Variants in UBAC2 observed in about 807,000 individuals in gnomAD.
The protein encoded by UBAC2 is ubiquitin-associated domain-containing protein 2.
A neutral mutation model predicts 44.0 loss-of-function variants in UBAC2; 26 were observed. The ratio of observed to expected loss-of-function variants is 0.59; its 90% CI spans 0.43 to 0.82. The LOEUF is 0.82. UBAC2 is among the 40% of genes least tolerant of loss of function. The pLI is 0.00. For missense variants in UBAC2, 329 were observed against 419.4 expected (o/e 0.78, Z 1.88); for synonymous variants, 155 against 154.3 (o/e 1.00, Z -0.04).
chr13:99,385,190 T>C (rs1318425853), intron 8 of UBAC2, 38 bp from the exon 9 acceptor site: 4 of 1,475,832 alleles, frequency 2.7e-6, no homozygotes, highest in Non-Finnish European at 3.8e-6. Flanking sequence ...AGCGGCAATG[T>C]CAGCGCCCTC....
chr13:99,254,003 G>A (rs569263057), intron 4 of UBAC2, among the ~76,000 whole-genome samples: 1 of 152,282 alleles, frequency 6.6e-6, no homozygotes, highest in African/African-American at 2.4e-5. Flanking sequence ...AGATGGATAA[G>A]TTACTTGGTT....
In UBAC2 at chr13:99,282,376, G is replaced by C. The variant is rs116916489; in HGVS notation, c.390-31721G>C. 3.3e-3 allele frequency among the ~76,000 whole-genome samples: 500 copies of C among 152,306 alleles called. 5 individuals are homozygous for C. Among genetic ancestry groups the C allele is most frequent in the Non-Finnish European group, 4.2e-3 (287 of 68,026 alleles). On this transcript the variant is annotated intron_variant, in intron 4 of 8. Transcript: ENST00000403766. Reference sequence around the variant, plus strand: ...TTGACTAGGTAGAATATTTCTAGTAGTTGACTGAAATAGCTTTGGTTGAGG... The same window carrying C: ...TTGACTAGGTAGAATATTTCTAGTACTTGACTGAAATAGCTTTGGTTGAGG...
chr13:99,379,823 CAT>C (rs2045527304), intron 8 of UBAC2, among the ~76,000 whole-genome samples: 1 of 152,220 alleles, frequency 6.6e-6, no homozygotes, highest in Non-Finnish European at 1.5e-5. Flanking sequence ...TATAGATAAA[CAT>C]AAATCTTTTT....
At chr13:99,379,509 C>T (rs955714280) in intron 8 of UBAC2, among the ~76,000 whole-genome samples, 1 of 152,208 alleles carries the variant, frequency 6.6e-6, no homozygotes, top group Non-Finnish European at 1.5e-5. Context: ...TTTTCATTTT[C>T]AGTTCCTCAT....
rs140636933 is a variant in UBAC2 at position 99,380,040 on chromosome 13, C to G, written c.928-5188C>G. On this transcript the variant is annotated intron_variant, in intron 8 of 8. Transcript: ENST00000403766. ...CATGTGCAGAAAAGGCATGTCACAG[C>G]TGAAGGAGGGTGAGAGGGTCTCTTT... 3.1e-3 allele frequency among the ~76,000 whole-genome samples: 473 copies of G among 152,224 alleles called. 2 individuals are homozygous for G. Among genetic ancestry groups the G allele is most frequent in the Admixed American group, 5.7e-3 (87 of 15,292 alleles).
At chr13:99,215,845 C>T (rs575472559) in intron 1 of UBAC2, 6 of 517,918 alleles carry the variant, frequency 1.2e-5, no homozygotes, top group South Asian at 4.3e-5. Context: ...TTCATCGCAC[C>T]GTGATTCAAA....
intron 4 of UBAC2, among the ~76,000 whole-genome samples, chr13:99,275,521 A>G (rs1161889694): frequency 1.3e-5 from 2 of 152,000 alleles, no homozygotes; most frequent in Non-Finnish European, 2.9e-5. Context: ...CCTATTTTAA[A>G]TTTTTATTAG....
At chr13:99,322,074 A>G (rs948697115) in intron 6 of UBAC2, among the ~76,000 whole-genome samples, 5 of 152,236 alleles carry the variant, frequency 3.3e-5, no homozygotes, top group African/African-American at 4.8e-5. Flanking sequence ...AAATGTTGCA[A>G]AATTGTAATT....
rs869112086 is a variant in UBAC2, at chr13:99,338,047, C to CTTTTTTTTTTTTTTTTTTT, written c.562-2263_562-2245dup. Among the ~76,000 whole-genome samples, 109 of 48,870 alleles carry CTTTTTTTTTTTTTTTTTTT rather than the reference C, an allele frequency of 2.2e-3. 15 individuals carry two copies. The highest frequency in any genetic ancestry group is 4.4e-3 in the African/African-American group (62 of 14,118). 32.1% of individuals were successfully genotyped at this position (48,870 alleles called of 152,430 possible). ...ATCTCCTAACTTTTTTTCTTTTTTT[C>CTTTTTTTTTTTTTTTTTTT]TTTTTTTTTTTTTTTTTTTTTTTTT... On this transcript the variant is annotated intron_variant, in intron 6 of 8. Coordinates refer to ENST00000403766, the MANE Select transcript of UBAC2 (RefSeq NM_001144072.2).
At chr13:99,204,151 A>C (rs1158992128) in intron 1 of UBAC2, among the ~76,000 whole-genome samples, 1 of 152,180 alleles carries the variant, frequency 6.6e-6, no homozygotes, top group African/African-American at 2.4e-5. Flanking sequence ...TTGCATGCCT[A>C]ATATTTTCCA....
At chr13:99,275,582 T>G (rs2043870874) in intron 4 of UBAC2, among the ~76,000 whole-genome samples, 1 of 152,198 alleles carries the variant, frequency 6.6e-6, no homozygotes, top group Non-Finnish European at 1.5e-5. Context: ...TTTCATTTTG[T>G]GGATGCGATA....
intron 6 of UBAC2, among the ~76,000 whole-genome samples, chr13:99,328,732 G>C (rs929896314): frequency 2.0e-5 from 3 of 151,936 alleles, no homozygotes; most frequent in Admixed American, 1.3e-4. Context: ...ATATATTCTA[G>C]ATATAAGCTC....
chr13:99,255,258 C>T, intron 4 of UBAC2: 7 of 1,614,072 alleles, frequency 4.3e-6, no homozygotes, highest in Non-Finnish European at 5.9e-6. Context: ...CCAAGTAGCA[C>T]CCAATCATGA....
chr13:99,267,907 C>T (rs2043764218), intron 4 of UBAC2, among the ~76,000 whole-genome samples: 1 of 152,198 alleles, frequency 6.6e-6, no homozygotes. Context: ...CTTTTGTAAC[C>T]ACCCTGTGGG....
In UBAC2 at chr13:99,295,340, A is replaced by G; in HGVS notation, c.390-18757A>G. ...GAAATTAGAGAAACGAAGCTTCTTA[A>G]TCATATGTTGAATAATTGCAACATG... On this transcript the variant is annotated intron_variant, in intron 4 of 8. Coordinates refer to ENST00000403766, the MANE Select transcript of UBAC2 (RefSeq NM_001144072.2). This position sits in a 1 kb window ranked among gnomAD's most constrained non-coding sequence, Gnocchi z 4.1. 1 of 1,614,130 alleles carries G rather than the reference A, an allele frequency of 6.2e-7. No individual in the cohort carries two copies. Among genetic ancestry groups the G allele is most frequent in the Non-Finnish European group, 8.5e-7 (1 of 1,180,002 alleles).
At chr13:99,351,211 G>T (rs1322325902) in intron 7 of UBAC2, among the ~76,000 whole-genome samples, 1 of 152,172 alleles carries the variant, frequency 6.6e-6, no homozygotes, top group Non-Finnish European at 1.5e-5. Context: ...TATTATCATA[G>T]TATTGGGCAT....
chr13:99,206,290 G>T (rs1411499819), intron 1 of UBAC2, among the ~76,000 whole-genome samples: 2 of 152,228 alleles, frequency 1.3e-5, no homozygotes, highest in Non-Finnish European at 2.9e-5. Flanking sequence ...TGGGGGGACA[G>T]TTGGAAGCTG....
intron 2 of UBAC2, among the ~76,000 whole-genome samples, chr13:99,242,137 C>T (rs2043309273): frequency 6.6e-6 from 1 of 150,974 alleles, no homozygotes; most frequent in South Asian, 2.1e-4. Context: ...ATGTCTACTT[C>T]TTTCTACACA....
intron 7 of UBAC2, among the ~76,000 whole-genome samples, chr13:99,343,101 C>T (rs1195258389): frequency 2.0e-5 from 3 of 152,206 alleles, no homozygotes; most frequent in African/African-American, 4.8e-5. Context: ...TTCTGCAGCT[C>T]ACCCATGCCC....
Sources: allele counts gnomAD v4.1 joint callset (sites outside exome capture counted in the v4.1 genomes callset), GRCh38; gene constraint gnomAD v4.1.1; non-coding constraint Gnocchi (gnomAD v3.1); transcripts MANE v1.5; gene names NCBI Gene and HGNC (gene_info 2026-07-23, HGNC 2026-07-21).